The following GAREM1 variants were observed in gnomAD, a reference collection of about 807,000 sequenced individuals.
GAREM1 encodes GRB2 associated regulator of MAPK1 subtype 1, also known as GRB2-associated and regulator of MAPK protein 1.
Under a neutral mutation model 71.3 loss-of-function variants are expected in GAREM1, and 26 were observed. That is an observed-to-expected ratio of 0.36 (90% CI 0.27 to 0.51). The LOEUF (loss-of-function observed/expected upper bound fraction) is 0.51, where lower values mean the gene tolerates loss of function less well. GAREM1 is among the 20% of genes least tolerant of loss of function. The pLI is 0.95. For synonymous variants in GAREM1, 440 were observed against 433.2 expected, an observed-to-expected ratio of 1.02 and a Z score of -0.20; for missense variants, 1,026 against 1,103.1, an observed-to-expected ratio of 0.93 and a Z score of 0.99.
At chr18:32,406,774 G>A (rs1279580045) in intron 1 of GAREM1, among the ~76,000 whole-genome samples, 2 of 152,132 alleles carry the variant, frequency 1.3e-5, no homozygotes, top group Non-Finnish European at 2.9e-5. Flanking sequence ...TTTCTTCAGT[G>A]GGAAAAGAAA....
intron 2 of GAREM1, among the ~76,000 whole-genome samples, chr18:32,357,242 C>T (rs1004570719): frequency 1.3e-5 from 2 of 152,094 alleles, no homozygotes; most frequent in Admixed American, 6.6e-5. Flanking sequence ...TCTGGGAGGC[C>T]GAAGCAGGAG....
intron 1 of GAREM1, among the ~76,000 whole-genome samples, chr18:32,426,123 A>G (rs1041395277): frequency 6.6e-6 from 1 of 152,072 alleles, no homozygotes; most frequent in Non-Finnish European, 1.5e-5. Flanking sequence ...GGTTCGAGCA[A>G]TTCTCCCGCC....
At chr18:32,365,261 A>G (rs1323515821) in intron 2 of GAREM1, among the ~76,000 whole-genome samples, 1 of 152,242 alleles carries the variant, frequency 6.6e-6, no homozygotes, top group South Asian at 2.1e-4. Context: ...AATAAATATC[A>G]TTCCAATATT....
intron 4 of GAREM1, among the ~76,000 whole-genome samples, chr18:32,273,060 C>T (rs1452456765): frequency 6.6e-6 from 1 of 152,196 alleles, no homozygotes; most frequent in African/African-American, 2.4e-5. Context: ...CACTTTATTA[C>T]AGATGTGCTT....
At chr18:32,374,031 A>C (rs1189258037) in intron 2 of GAREM1, among the ~76,000 whole-genome samples, 1 of 152,222 alleles carries the variant, frequency 6.6e-6, no homozygotes, top group East Asian at 1.9e-4. Context: ...CAGCTTTCAT[A>C]AACTGAGACA....
rs974329803 is a variant in GAREM1, at chr18:32,360,563, G to T, written c.262+32332C>A. Among the ~76,000 whole-genome samples the T allele has an allele frequency of 9.9e-5, 15 of 151,690 alleles. No individual in the cohort carries two copies. The East Asian group carries it at 2.7e-3, about 27-fold the overall frequency. ...AATGTTGTATCTACAGATCTTTTTT[G>T]GGGGGGTGGGGAGCATTTTTCCAAA... On this transcript the variant is annotated intron_variant, in intron 2 of 5. Coordinates refer to ENST00000269209, the MANE Select transcript of GAREM1 (RefSeq NM_001242409.2).
chr18:32,434,352 G>A (rs2048654639), intron 1 of GAREM1, among the ~76,000 whole-genome samples: 1 of 152,070 alleles, frequency 6.6e-6, no homozygotes, highest in Non-Finnish European at 1.5e-5. Flanking sequence ...TGAGCTAGAA[G>A]CCTAGGGCTG....
At chr18:32,418,837 C>T (rs1355434481) in intron 1 of GAREM1, among the ~76,000 whole-genome samples, 1 of 152,176 alleles carries the variant, frequency 6.6e-6, no homozygotes, top group Non-Finnish European at 1.5e-5. Context: ...GACCAATAAT[C>T]AGCGTAAGTA....
intron 2 of GAREM1, among the ~76,000 whole-genome samples, chr18:32,358,309 C>T (rs1287521693): frequency 1.3e-5 from 2 of 152,034 alleles, no homozygotes; most frequent in Admixed American, 6.5e-5. Context: ...AGGGAACTGC[C>T]TGCAGGGGAC....
intron 1 of GAREM1, among the ~76,000 whole-genome samples, chr18:32,413,610 C>T (rs1290957224): frequency 1.3e-5 from 2 of 151,926 alleles, no homozygotes; most frequent in East Asian, 3.8e-4. Flanking sequence ...TAAGCAAACA[C>T]TAAAAAACCA....
intron 1 of GAREM1, among the ~76,000 whole-genome samples, chr18:32,402,961 AGG>A (rs931590912): frequency 6.6e-6 from 1 of 152,028 alleles, no homozygotes; most frequent in African/African-American, 2.4e-5. Flanking sequence ...TCTGTTGCCC[AGG>A]TTGAAGTACA....
chr18:32,288,048 C>T lies in GAREM1; in HGVS notation c.549G>A (p.Lys183=). 1 of 1,614,134 alleles carries T rather than the reference C, an allele frequency of 6.2e-7. No homozygotes were observed. Among genetic ancestry groups the T allele is most frequent in the East Asian group, 2.2e-5 (1 of 44,876 alleles). The change falls in exon 4 of 6, where the codon AAG becomes AAA. Residue 183 remains lysine, a synonymous_variant. Coordinates refer to ENST00000269209, the MANE Select transcript of GAREM1 (RefSeq NM_001242409.2). ...RLNTIFKKIG[K]LNSISKLGKG... is the part of the protein sequence containing the mutation. ...TTCCCAGCTTGCTGATGGAATTGAG[C>T]TTCCCAATCTTTTTGAAGATTGTGT...
intron 2 of GAREM1, among the ~76,000 whole-genome samples, chr18:32,349,350 A>G (rs1198149969): frequency 6.6e-6 from 1 of 152,204 alleles, no homozygotes; most frequent in Non-Finnish European, 1.5e-5. Flanking sequence ...ATCTCTCTAA[A>G]TAAGTTTCAA....
intron 2 of GAREM1, among the ~76,000 whole-genome samples, chr18:32,325,329 A>C (rs1347572441): frequency 6.6e-6 from 1 of 152,210 alleles, no homozygotes; most frequent in Non-Finnish European, 1.5e-5. Context: ...AACTCACAGA[A>C]TGTACAACAG....
chr18:32,299,674 T>C (rs1286511287), intron 3 of GAREM1, among the ~76,000 whole-genome samples: 1 of 152,056 alleles, frequency 6.6e-6, no homozygotes, highest in Non-Finnish European at 1.5e-5. Context: ...CTAACCAAAA[T>C]GATGGGATGT....
At chr18:32,310,453 T>A (rs1043601864) in intron 2 of GAREM1, 130 bp from the exon 3 acceptor site, 10 of 810,432 alleles carry the variant, frequency 1.2e-5, no homozygotes, top group African/African-American at 1.8e-5. Flanking sequence ...TTAATCTTTT[T>A]AAAAAGGCAT....
intron 4 of GAREM1, among the ~76,000 whole-genome samples, chr18:32,281,582 G>C (rs1343058818): frequency 6.6e-6 from 1 of 152,232 alleles, no homozygotes; most frequent in Non-Finnish European, 1.5e-5. Flanking sequence ...GTTGAAACCA[G>C]TGGTTCACAA....
chr18:32,438,594 A>C (rs570118190), intron 1 of GAREM1, among the ~76,000 whole-genome samples: 2 of 152,362 alleles, frequency 1.3e-5, no homozygotes, highest in African/African-American at 4.8e-5. Context: ...GTGCATGTCA[A>C]ATCCTCATCC....
At chr18:32,408,629 A>G (rs1599026817) in intron 1 of GAREM1, among the ~76,000 whole-genome samples, 1 of 152,164 alleles carries the variant, frequency 6.6e-6, no homozygotes, top group Non-Finnish European at 1.5e-5. Context: ...CCATTTGACC[A>G]TTGTTAAGAC....
Sources: allele counts gnomAD v4.1 joint callset (sites outside exome capture counted in the v4.1 genomes callset), GRCh38; gene constraint gnomAD v4.1.1; transcripts MANE v1.5; gene names NCBI Gene and HGNC (gene_info 2026-07-23, HGNC 2026-07-21).